The following ROBO2 variants were observed in gnomAD, a reference collection of about 807,000 sequenced individuals.
The protein encoded by ROBO2 is roundabout guidance receptor 2, also known as roundabout homolog 2.
A neutral mutation model predicts 160.8 loss-of-function variants in ROBO2; 53 were observed. The observed-to-expected ratio is 0.33, with a 90% CI of 0.26 to 0.41. The LOEUF (loss-of-function observed/expected upper bound fraction) is 0.41. Ranked by LOEUF, ROBO2 falls within the 10% of genes least tolerant of loss-of-function variation. The pLI is 1.00. For synonymous variants in ROBO2, 664 were observed against 611.7 expected, an observed-to-expected ratio of 1.09 and a Z score of -1.26; for missense variants, 1,577 against 1,722.4, an observed-to-expected ratio of 0.92 and a Z score of 1.49.
At chr3:76,207,406 A>G (rs1314154354) in intron 2 of ROBO2, among the ~76,000 whole-genome samples, 1 of 152,210 alleles carries the variant, frequency 6.6e-6, no homozygotes, top group Non-Finnish European at 1.5e-5. Flanking sequence ...CATGTGGGCT[A>G]TAAATTTATG....
intron 2 of ROBO2, among the ~76,000 whole-genome samples, chr3:77,271,894 T>C (rs2059515638): frequency 6.6e-6 from 1 of 152,216 alleles, no homozygotes; most frequent in African/African-American, 2.4e-5. Flanking sequence ...AGGGTTCGCG[T>C]GCTATTTTTA....
At chr3:76,239,050 A>T (rs141601587) in intron 2 of ROBO2, among the ~76,000 whole-genome samples, 5,924 of 152,134 alleles carry the variant, frequency 0.039, 337 homozygotes, top group African/African-American at 0.12. Context: ...TTCAGTACTG[A>T]CTCCTTCCTG....
At chr3:76,586,707 G>T (rs1441881726) in intron 2 of ROBO2, among the ~76,000 whole-genome samples, 7 of 152,178 alleles carry the variant, frequency 4.6e-5, no homozygotes, top group Non-Finnish European at 1.0e-4. Context: ...TAGATCATGT[G>T]AGTTATTATT....
chr3:76,183,355 G>A (rs1701600840), intron 2 of ROBO2, among the ~76,000 whole-genome samples: 1 of 152,132 alleles, frequency 6.6e-6, no homozygotes, highest in South Asian at 2.1e-4. Context: ...TTACTGAGGT[G>A]AGCCCAAATT....
intron 2 of ROBO2, among the ~76,000 whole-genome samples, chr3:77,200,259 A>C (rs2082711343): frequency 9.6e-6 from 1 of 103,786 alleles, no homozygotes; most frequent in African/African-American, 3.3e-5. Flanking sequence ...TATCCTAACT[A>C]ACATATTTTA....
chr3:77,027,853 C>T (rs2063069518), intron 2 of ROBO2, among the ~76,000 whole-genome samples: 2 of 152,050 alleles, frequency 1.3e-5, no homozygotes. Flanking sequence ...ACTAATGAGG[C>T]CAGATTGCAT....
At chr3:76,243,800 T>C (rs140787724) in intron 2 of ROBO2, among the ~76,000 whole-genome samples, 6,340 of 152,314 alleles carry the variant, frequency 0.042, 375 homozygotes, top group African/African-American at 0.13. Context: ...TAATATTATC[T>C]TTTCCACTTA....
At chr3:76,881,773 T>C (rs1301583811) in intron 2 of ROBO2, among the ~76,000 whole-genome samples, 1 of 152,212 alleles carries the variant, frequency 6.6e-6, no homozygotes, top group African/African-American at 2.4e-5. Context: ...GGCATCTAAA[T>C]GGGGCCCTGT....
intron 2 of ROBO2, among the ~76,000 whole-genome samples, chr3:76,333,890 G>T (rs2073679107): frequency 1.3e-5 from 2 of 152,064 alleles, no homozygotes. Flanking sequence ...ACTATCGCAA[G>T]GACAAAAAAC....
At chr3:77,590,543 A>C (rs941933687) in intron 17 of ROBO2, among the ~76,000 whole-genome samples, 2 of 152,152 alleles carry the variant, frequency 1.3e-5, no homozygotes, top group East Asian at 3.9e-4. Flanking sequence ...TATAAATCAT[A>C]TGAAATATAA....
chr3:76,251,313 G>A (rs541908208), intron 2 of ROBO2, among the ~76,000 whole-genome samples: 4 of 152,154 alleles, frequency 2.6e-5, no homozygotes, highest in Admixed American at 2.0e-4. Context: ...TGAAAGAGAC[G>A]TGAAATGAAA....
chr3:76,692,561 GGTC>G (rs1003855533), intron 2 of ROBO2, among the ~76,000 whole-genome samples: 3 of 152,058 alleles, frequency 2.0e-5, no homozygotes, highest in African/African-American at 7.2e-5. Flanking sequence ...AATATTTACA[GGTC>G]TTCTGAGATG....
chr3:76,829,041 C>T (rs1234878187), intron 2 of ROBO2, among the ~76,000 whole-genome samples: 1 of 152,072 alleles, frequency 6.6e-6, no homozygotes, highest in African/African-American at 2.4e-5. Flanking sequence ...CTGCCCTTTA[C>T]AGTTCAGCAT....
rs79497226 is a variant in ROBO2, at chr3:77,085,169, C to A, written c.62-12845C>A. ...TTGCAATCTAAATGTAACCACTTTGCATAGCCTTACTACAGTTGTCACATC... is the reference window on the plus strand; with the variant it reads ...TTGCAATCTAAATGTAACCACTTTGAATAGCCTTACTACAGTTGTCACATC... On this transcript the variant is annotated intron_variant, in intron 1 of 25. Coordinates refer to ENST00000461745, the Ensembl canonical transcript of ROBO2. Among the ~76,000 whole-genome samples, 878 of 152,188 alleles carry A rather than the reference C, an allele frequency of 5.8e-3. 5 individuals are homozygous for A. The highest frequency in any genetic ancestry group is 0.02 in the African/African-American group (818 of 41,530).
rs78243912 is a variant in ROBO2, at chr3:77,370,319, C to A, written c.389-107095C>A. 2.6e-3 allele frequency among the ~76,000 whole-genome samples: 390 copies of A among 152,314 alleles called. 1 individual carries two copies. The highest frequency in any genetic ancestry group is 8.9e-3 in the African/African-American group (372 of 41,570). On this transcript the variant is annotated intron_variant, in intron 2 of 25. Coordinates refer to ENST00000461745, the Ensembl canonical transcript of ROBO2. Reference sequence around the variant, plus strand: ...ACGGAATTCACATTTTGATACATCTCACCTTACATTGGAGTCTCCTTAGTA... The same window carrying A: ...ACGGAATTCACATTTTGATACATCTAACCTTACATTGGAGTCTCCTTAGTA...
At chr3:76,394,116 G>A (rs1170435282) in intron 2 of ROBO2, among the ~76,000 whole-genome samples, 4 of 152,028 alleles carry the variant, frequency 2.6e-5, no homozygotes, top group South Asian at 2.1e-4. Flanking sequence ...GTAGCATTTC[G>A]TCCATTTACA....
intron 2 of ROBO2, among the ~76,000 whole-genome samples, chr3:76,770,982 A>G (rs1404764863): frequency 1.3e-5 from 2 of 151,380 alleles, no homozygotes; most frequent in East Asian, 3.9e-4. Flanking sequence ...TTCACATTTG[A>G]GAGGGAAATA....
chr3:76,459,499 C>CT (rs2077969525), intron 2 of ROBO2, among the ~76,000 whole-genome samples: 1 of 152,080 alleles, frequency 6.6e-6, no homozygotes, highest in Non-Finnish European at 1.5e-5. Context: ...TTTCTTACAT[C>CT]TTTTTTCTTT....
At chr3:77,287,380 T>G (rs549568011) in intron 2 of ROBO2, among the ~76,000 whole-genome samples, 289 of 152,330 alleles carry the variant, frequency 1.9e-3, no homozygotes, top group Non-Finnish European at 2.6e-3. Context: ...TCCTCGAAAC[T>G]TATAACCCCC....
Sources: gnomAD v4.1 joint callset for allele counts (sites outside exome capture counted in the v4.1 genomes callset) on GRCh38, gnomAD v4.1.1 for gene constraint, MANE v1.5 for transcripts, NCBI Gene and HGNC (gene_info 2026-07-23, HGNC 2026-07-21) for gene names.